HS6ST3: variants seen among roughly 807,000 people sequenced by gnomAD.
HS6ST3 encodes the protein heparan-sulfate 6-O-sulfotransferase 3.
A neutral mutation model predicts 36.7 loss-of-function variants in HS6ST3; 12 were observed. That is an observed-to-expected ratio of 0.33 (90% confidence interval 0.21 to 0.53). The LOEUF is 0.53. HS6ST3 is among the 20% of genes least tolerant of loss of function. The probability of loss-of-function intolerance (pLI) is 0.95; values close to 1 mark genes in which losing one functional copy is unlikely to be tolerated. For synonymous variants in HS6ST3, 240 were observed against 257.5 expected, an observed-to-expected ratio of 0.93 and a Z score of 0.65; for missense variants, 584 against 640.9, an observed-to-expected ratio of 0.91 and a Z score of 0.96.
At chr13:96,573,639 C>T (rs2056309381) in intron 1 of HS6ST3, 1 of 257,686 alleles carries the variant, frequency 3.9e-6, no homozygotes, top group Non-Finnish European at 7.5e-6. Flanking sequence ...AGGAAAAATA[C>T]ATCCTCCACT....
intron 1 of HS6ST3, among the ~76,000 whole-genome samples, chr13:96,753,817 C>T (rs771787049): frequency 5.3e-5 from 8 of 151,964 alleles, no homozygotes; most frequent in Non-Finnish European, 1.2e-4. Context: ...TTACATTGTA[C>T]TGTTAGAATT....
intron 1 of HS6ST3, among the ~76,000 whole-genome samples, chr13:96,307,907 T>C (rs901162702): frequency 3.9e-5 from 6 of 152,058 alleles, no homozygotes; most frequent in African/African-American, 1.4e-4. Context: ...TTGACTTTAG[T>C]TTTTGCATAA....
chr13:96,355,011 T>C (rs1274779457), intron 1 of HS6ST3, among the ~76,000 whole-genome samples: 2 of 152,084 alleles, frequency 1.3e-5, no homozygotes, highest in South Asian at 2.1e-4. Context: ...AACAAAAAAC[T>C]AACCAGCATT....
chr13:96,234,737 C>T (rs1011781860), intron 1 of HS6ST3, among the ~76,000 whole-genome samples: 1 of 152,080 alleles, frequency 6.6e-6, no homozygotes, highest in African/African-American at 2.4e-5. Context: ...ATTATGGGAG[C>T]TACAATTCAA....
intron 1 of HS6ST3, among the ~76,000 whole-genome samples, chr13:96,174,891 TGGG>T (rs1262594453): frequency 6.6e-6 from 1 of 152,194 alleles, no homozygotes; most frequent in Non-Finnish European, 1.5e-5. Flanking sequence ...CCATGGCTTT[TGGG>T]TACAACTTTC....
At chr13:96,267,715 C>T (rs192565845) in intron 1 of HS6ST3, among the ~76,000 whole-genome samples, 2 of 152,074 alleles carry the variant, frequency 1.3e-5, no homozygotes, top group East Asian at 3.9e-4. Context: ...TATATTATAA[C>T]ATTAGCAAGA....
At chr13:96,644,765 G>T (rs57217922) in intron 1 of HS6ST3, among the ~76,000 whole-genome samples, 16,118 of 151,966 alleles carry the variant, frequency 0.11, 895 homozygotes, top group Admixed American at 0.17. Context: ...ACTCAAGAAA[G>T]CAAAATTGCC....
At chr13:96,653,671 G>A (rs2056615131) in intron 1 of HS6ST3, among the ~76,000 whole-genome samples, 2 of 152,140 alleles carry the variant, frequency 1.3e-5, no homozygotes, top group African/African-American at 4.8e-5. Flanking sequence ...ATAAACATAT[G>A]TGTGCATGTG....
intron 1 of HS6ST3, among the ~76,000 whole-genome samples, chr13:96,169,246 T>A (rs116997804): frequency 1.8e-5 from 2 of 112,490 alleles, no homozygotes; most frequent in Non-Finnish European, 3.6e-5. Context: ...GAGTTTCTCA[T>A]GTCCAGTGTG....
intron 1 of HS6ST3, among the ~76,000 whole-genome samples, chr13:96,535,612 T>G (rs2056152492): frequency 6.6e-6 from 1 of 151,748 alleles, no homozygotes; most frequent in Admixed American, 6.6e-5. Context: ...GGTTTGAACT[T>G]GTGGCTTGAT....
intron 1 of HS6ST3, among the ~76,000 whole-genome samples, chr13:96,600,329 T>TACACACAC (rs34142366): frequency 0.021 from 3,134 of 146,026 alleles, 45 homozygotes; most frequent in African/African-American, 0.034. Context: ...TGGAGTTAGG[T>TACACACAC]ACACACACAC....
chr13:96,300,444 C>T (rs1214113545), intron 1 of HS6ST3, among the ~76,000 whole-genome samples: 1 of 152,052 alleles, frequency 6.6e-6, no homozygotes, highest in African/African-American at 2.4e-5. Flanking sequence ...ATGATCCAGT[C>T]GCCTCCCACC....
chr13:96,329,629 G>T lies in HS6ST3; in HGVS notation c.707+238060G>T, dbSNP rs1041928473. 5.5e-4 allele frequency among the ~76,000 whole-genome samples: 65 copies of T among 117,976 alleles called. 4 individuals carry two copies. The South Asian group carries it at 0.015, about 27-fold the overall frequency. The allele number at this position is 117,976 out of a possible 152,430, so 77.4% of individuals were successfully genotyped here. A position where few individuals can be genotyped will look rare whatever the true frequency, so the allele number is the denominator to read the frequency against. ...ATGTGGTCAATTTTGGAATAGGTGT[G>T]GTGTGGTGCTGAAAAAAATGTATAT... On this transcript the variant is annotated intron_variant, in intron 1 of 1. Transcript: ENST00000376705.
intron 1 of HS6ST3, among the ~76,000 whole-genome samples, chr13:96,103,611 C>T (rs762352835): frequency 4.6e-5 from 7 of 151,872 alleles, no homozygotes; most frequent in Admixed American, 1.3e-4. Context: ...GAAGGCACTT[C>T]GTAAATTATA....
chr13:96,631,804 G>T (rs1309365854), intron 1 of HS6ST3, among the ~76,000 whole-genome samples: 1 of 152,112 alleles, frequency 6.6e-6, no homozygotes, highest in East Asian at 1.9e-4. Context: ...AACATTTTCA[G>T]TAACGAGAGG....
At chr13:96,511,061 C>T (rs1313918425) in intron 1 of HS6ST3, among the ~76,000 whole-genome samples, 1 of 152,042 alleles carries the variant, frequency 6.6e-6, no homozygotes, top group Non-Finnish European at 1.5e-5. Flanking sequence ...ATAATTACAC[C>T]AGGACAGTAG....
intron 1 of HS6ST3, among the ~76,000 whole-genome samples, chr13:96,780,585 C>T (rs1486613782): frequency 1.3e-5 from 2 of 152,110 alleles, no homozygotes; most frequent in African/African-American, 4.8e-5. Flanking sequence ...TGCAAAGACT[C>T]ATGTACCCTC....
At chr13:96,274,773 C>T (rs900780029) in intron 1 of HS6ST3, among the ~76,000 whole-genome samples, 2 of 151,058 alleles carry the variant, frequency 1.3e-5, no homozygotes, top group African/African-American at 4.9e-5. Flanking sequence ...GACATCATGA[C>T]ATTGAAAGTG....
intron 1 of HS6ST3, among the ~76,000 whole-genome samples, chr13:96,724,243 T>G (rs1291222375): frequency 6.6e-6 from 1 of 152,198 alleles, no homozygotes; most frequent in Non-Finnish European, 1.5e-5. Flanking sequence ...ACTTAAAAAA[T>G]GCACTGAGCA....
Sources: gnomAD v4.1 joint callset for allele counts (sites outside exome capture counted in the v4.1 genomes callset) on GRCh38, gnomAD v4.1.1 for gene constraint, MANE v1.5 for transcripts, NCBI Gene and HGNC (gene_info 2026-07-23, HGNC 2026-07-21) for gene names.